FTCDNL1: variants seen among roughly 807,000 people sequenced by gnomAD.
FTCDNL1 encodes formiminotransferase cyclodeaminase N-terminal like.
Under a neutral mutation model 5.9 loss-of-function variants are expected in FTCDNL1, and 11 were observed. The observed-to-expected ratio is 1.87, with a 90% CI of 1.18 to 3.10. The LOEUF (loss-of-function observed/expected upper bound fraction) is 3.10, where lower values mean the gene tolerates loss of function less well. Ranked by LOEUF, FTCDNL1 falls within the 30% of genes most tolerant of loss-of-function variation. The pLI is 0.00. For synonymous variants in FTCDNL1, 58 were observed against 24.8 expected, an observed-to-expected ratio of 2.34 and a Z score of -3.99; for missense variants, 115 against 65.5, an observed-to-expected ratio of 1.76 and a Z score of -2.61.
At chr2:199,671,690 C>A in the FTCDNL1 span, among the ~76,000 whole-genome samples, 1 of 152,132 alleles carries the variant, frequency 6.6e-6, no homozygotes, top group African/African-American at 2.4e-5. Flanking sequence ...GGTCCATGTT[C>A]TCTTCCAGAT....
At chr2:199,821,312 G>C (rs1369108535) in intron 3 of FTCDNL1, among the ~76,000 whole-genome samples, 1 of 133,062 alleles carries the variant, frequency 7.5e-6, no homozygotes, top group African/African-American at 2.8e-5. Context: ...ACCAAGCCTG[G>C]CTAATTTTTT....
chr2:199,825,664 C>T (rs1050284527), intron 3 of FTCDNL1, among the ~76,000 whole-genome samples: 1 of 152,138 alleles, frequency 6.6e-6, no homozygotes, highest in African/African-American at 2.4e-5. Context: ...ACTCACCATG[C>T]GACACACCTG....
In FTCDNL1 at chr2:199,810,164, A is replaced by G. The variant is rs941646649; in HGVS notation, c.*2541T>C. On this transcript the variant is annotated 3_prime_UTR_variant, in exon 5 of 5. Coordinates refer to ENST00000420128, the MANE Select transcript of FTCDNL1 (RefSeq NM_001363886.2). ...TTCATTCATTTCCAAGGCCATCTCC[A>G]TGGGGGCTTGAATTCAATGACAGGC... 3.3e-5 allele frequency among the ~76,000 whole-genome samples: 5 copies of G among 152,098 alleles called. No individual in the cohort carries two copies. The highest frequency in any genetic ancestry group is 4.8e-5 in the African/African-American group (2 of 41,512).
intron 3 of FTCDNL1, among the ~76,000 whole-genome samples, chr2:199,779,951 A>T (rs1256061695): frequency 3.9e-5 from 6 of 152,190 alleles, no homozygotes; most frequent in Non-Finnish European, 7.4e-5. Flanking sequence ...GCAAAATGAG[A>T]CACTTTGCTT....
chr2:199,734,757 G>T, the FTCDNL1 span, among the ~76,000 whole-genome samples: 1 of 152,148 alleles, frequency 6.6e-6, no homozygotes, highest in East Asian at 1.9e-4. Context: ...AAAGAAAAAG[G>T]ATAGAGTTTG....
At chr2:199,765,543 TATATATATA>T (rs1470436175) in intron 3 of FTCDNL1, among the ~76,000 whole-genome samples, 1 of 82,898 alleles carries the variant, frequency 1.2e-5, no homozygotes, top group African/African-American at 3.8e-5. Flanking sequence ...TATATATATA[TATATATATA>T]TATATTTTTT....
At chr2:199,788,773 T>G (rs1275606276) in intron 3 of FTCDNL1, among the ~76,000 whole-genome samples, 1 of 151,748 alleles carries the variant, frequency 6.6e-6, no homozygotes, top group African/African-American at 2.4e-5. Context: ...TATAAAATGA[T>G]GTTTAAAAAA....
chr2:199,667,740 G>A, the FTCDNL1 span, among the ~76,000 whole-genome samples: 1 of 152,166 alleles, frequency 6.6e-6, no homozygotes, highest in Non-Finnish European at 1.5e-5. Context: ...TTGGTATTGA[G>A]CCAATTAATG....
chr2:199,726,823 G>A, the FTCDNL1 span, among the ~76,000 whole-genome samples: 1 of 152,232 alleles, frequency 6.6e-6, no homozygotes, highest in African/African-American at 2.4e-5. Context: ...AGCTGATGCT[G>A]GTGGGAACAC....
the FTCDNL1 span, among the ~76,000 whole-genome samples, chr2:199,681,406 A>C: frequency 6.6e-6 from 1 of 152,178 alleles, no homozygotes; most frequent in Admixed American, 6.5e-5. Context: ...CAGTGAGCCA[A>C]GATTGCGCCA....
chr2:199,731,749 G>A, the FTCDNL1 span, among the ~76,000 whole-genome samples: 3 of 151,590 alleles, frequency 2.0e-5, no homozygotes, highest in African/African-American at 4.8e-5. Flanking sequence ...TTAGCCGGGC[G>A]TAGTGGCGGG....
intron 3 of FTCDNL1, among the ~76,000 whole-genome samples, chr2:199,796,161 CAG>C (rs971480731): frequency 7.2e-5 from 11 of 152,052 alleles, no homozygotes; most frequent in Admixed American, 7.2e-4. Context: ...AAATTTTAAA[CAG>C]AATTAAAAAC....
the FTCDNL1 span, among the ~76,000 whole-genome samples, chr2:199,752,009 C>T: frequency 5.3e-5 from 8 of 152,104 alleles, no homozygotes; most frequent in Admixed American, 1.3e-4. Context: ...TCACTAAATA[C>T]GGAGGAAGGG....
intron 3 of FTCDNL1, among the ~76,000 whole-genome samples, chr2:199,776,501 G>C (rs1338315774): frequency 4.6e-5 from 7 of 152,198 alleles, no homozygotes; most frequent in Non-Finnish European, 7.3e-5. Flanking sequence ...GTCCAGCACT[G>C]AAAGTGGCCT....
the FTCDNL1 span, among the ~76,000 whole-genome samples, chr2:199,673,819 AT>A: frequency 7.0e-6 from 1 of 142,940 alleles, no homozygotes; most frequent in Non-Finnish European, 1.5e-5. Context: ...TAATATTAAT[AT>A]GGAAAGTATT....
the FTCDNL1 span, among the ~76,000 whole-genome samples, chr2:199,723,317 T>C: frequency 6.6e-6 from 1 of 152,206 alleles, no homozygotes; most frequent in Non-Finnish European, 1.5e-5. Flanking sequence ...TATAGGATCA[T>C]GTCATCTGCA....
chr2:199,758,001 G>C (rs565087430), downstream of FTCDNL1, among the ~76,000 whole-genome samples: 4 of 152,218 alleles, frequency 2.6e-5, no homozygotes, highest in South Asian at 8.3e-4. Context: ...AAAGGGGGCT[G>C]GGGAAGTCTC....
At chr2:199,766,234 T>G (rs1163137220) in intron 3 of FTCDNL1, among the ~76,000 whole-genome samples, 2 of 152,252 alleles carry the variant, frequency 1.3e-5, no homozygotes, top group African/African-American at 4.8e-5. Flanking sequence ...ACAGTGCAAT[T>G]TTAATAATAT....
At chr2:199,711,612 C>G in the FTCDNL1 span, among the ~76,000 whole-genome samples, 1 of 152,058 alleles carries the variant, frequency 6.6e-6, no homozygotes, top group Non-Finnish European at 1.5e-5. Flanking sequence ...GATTTACCAA[C>G]TGGTCTGTAT....
Sources: allele counts gnomAD v4.1 joint callset (sites outside exome capture counted in the v4.1 genomes callset), GRCh38; gene constraint gnomAD v4.1.1; transcripts MANE v1.5; gene names NCBI Gene and HGNC (gene_info 2026-07-23, HGNC 2026-07-21).